Variants in SLC12A2 observed in about 807,000 individuals in gnomAD.
The protein encoded by SLC12A2 is Na-K-2Cl cotransporter 1.
A neutral mutation model predicts 136.3 loss-of-function variants in SLC12A2; 67 were observed. The observed-to-expected ratio is 0.49, with a 90% confidence interval of 0.40 to 0.60. SLC12A2 has a LOEUF of 0.60. Ranked by LOEUF, SLC12A2 falls within the 20% of genes least tolerant of loss-of-function variation. The pLI, the probability that SLC12A2 is intolerant of heterozygous loss-of-function variation, is 0.00. For synonymous variants in SLC12A2, 619 were observed against 562.9 expected, an observed-to-expected ratio of 1.10 and a Z score of -1.41; for missense variants, 1,322 against 1,534.7, an observed-to-expected ratio of 0.86 and a Z score of 2.32.
chr5:128,173,629 A>G (rs1181219948), intron 19 of SLC12A2, among the ~76,000 whole-genome samples: 1 of 152,156 alleles, frequency 6.6e-6, no homozygotes, highest in Non-Finnish European at 1.5e-5. Flanking sequence ...AAATTTGATG[A>G]CTTCCAAGCC....
chr5:128,116,970 A>G (rs901748467), intron 4 of SLC12A2, among the ~76,000 whole-genome samples: 1 of 152,172 alleles, frequency 6.6e-6, no homozygotes, highest in Non-Finnish European at 1.5e-5. Flanking sequence ...CTGAGATCAC[A>G]TTACACCTGT....
chr5:128,180,993 G>C lies in SLC12A2; in HGVS notation c.3211G>C (p.Ala1071Pro), dbSNP rs760408656. ...AAACAGAATAGACCATGACCGGAGA[G>C]CGTAAGTTTATTTCACATTGAAGGG... ...KINRIDHDRR[A>P]MATLLSKFRI... The change falls in exon 23 of 27, where the codon GCG (alanine) becomes CCG (proline). Residue 1071 changes from alanine (A) to proline (P), a missense_variant and splice_region_variant. Coordinates refer to ENST00000262461, the MANE Select transcript of SLC12A2 (RefSeq NM_001046.3). 1 of 1,558,878 alleles carries C rather than the reference G, an allele frequency of 6.4e-7. No homozygotes were observed. The highest frequency in any genetic ancestry group is 8.8e-7 in the Non-Finnish European group (1 of 1,130,664).
At chr5:128,159,585 G>A (rs1762969509) in intron 16 of SLC12A2, among the ~76,000 whole-genome samples, 2 of 152,156 alleles carry the variant, frequency 1.3e-5, no homozygotes, top group South Asian at 4.1e-4. Context: ...CAAAAAGTGG[G>A]CAAAGGATAT....
In SLC12A2 at chr5:128,135,747, C is replaced by T. The variant is rs377735249; in HGVS notation, c.1347C>T (p.Phe449=). 21 of 1,612,220 alleles carry T rather than the reference C, an allele frequency of 1.3e-5. No homozygotes were observed. The East Asian group carries it at 1.3e-4, about 10-fold the overall frequency. The change falls in exon 7 of 27, where the codon TTC becomes TTT. Residue 449 remains phenylalanine (F), a synonymous_variant. Transcript: ENST00000262461. ...LVILLLAIGD[F]VIGTFIPLES... ...TCCTACTTCTTGCTATTGGTGATTT[C>T]GTCATAGGAACATTTATCCCACTGG...
At chr5:128,126,746 G>C (rs1472237846) in intron 4 of SLC12A2, among the ~76,000 whole-genome samples, 2 of 151,530 alleles carry the variant, frequency 1.3e-5, no homozygotes, top group South Asian at 2.1e-4. Flanking sequence ...TCCTTTCCTT[G>C]TTCCTAGTCT....
intron 17 of SLC12A2, among the ~76,000 whole-genome samples, chr5:128,166,446 G>A (rs1044595487): frequency 6.6e-6 from 1 of 151,334 alleles, no homozygotes; most frequent in Non-Finnish European, 1.5e-5. Context: ...CCCAACAGAT[G>A]AATGGATAAA....
At chr5:128,144,705 G>A (rs114463276) in intron 10 of SLC12A2, among the ~76,000 whole-genome samples, 1 of 152,096 alleles carries the variant, frequency 6.6e-6, no homozygotes, top group East Asian at 1.9e-4. Flanking sequence ...ACACACACAT[G>A]CATACCCTAC....
At chr5:128,118,196 C>T (rs1443653511) in intron 4 of SLC12A2, among the ~76,000 whole-genome samples, 2 of 152,122 alleles carry the variant, frequency 1.3e-5, no homozygotes, top group African/African-American at 4.8e-5. Flanking sequence ...CCATTTGATA[C>T]AGCAGTCTTC....
chr5:128,186,027 C>T (rs922394451), intron 26 of SLC12A2, among the ~76,000 whole-genome samples: 1 of 151,856 alleles, frequency 6.6e-6, no homozygotes, highest in African/African-American at 2.4e-5. Context: ...TGAGTCCAGC[C>T]TGGGCAATGT....
At chr5:128,113,119 G>A (rs1239168617) in intron 2 of SLC12A2, among the ~76,000 whole-genome samples, 186 bp downstream of exon 2, 1 of 152,172 alleles carries the variant, frequency 6.6e-6, no homozygotes, top group Non-Finnish European at 1.5e-5. Flanking sequence ...CTTCAGCAAA[G>A]GAGATATGCC....
chr5:128,169,853 A>G (rs554462541), intron 18 of SLC12A2: 6 of 152,240 alleles, frequency 3.9e-5, no homozygotes, highest in African/African-American at 1.4e-4. Flanking sequence ...GGTCTTTCTG[A>G]CTCTGACTTT....
intron 25 of SLC12A2, 45 bp from the exon 26 acceptor site, chr5:128,184,741 ATTC>A: frequency 6.2e-7 from 1 of 1,609,826 alleles, no homozygotes; most frequent in South Asian, 1.1e-5. Flanking sequence ...ACCATGCTAA[ATTC>A]TTATTTCCAC....
chr5:128,120,081 T>G lies in SLC12A2; in HGVS notation c.1048+5400T>G, dbSNP rs867433098. Among the ~76,000 whole-genome samples the G allele has an allele frequency of 4.2e-3, 633 of 152,080 alleles. 3 individuals carry two copies. Among genetic ancestry groups the G allele is most frequent in the Non-Finnish European group, 5.8e-3 (392 of 67,978 alleles). On this transcript the variant is annotated intron_variant, in intron 4 of 26. Coordinates refer to ENST00000262461, the MANE Select transcript of SLC12A2 (RefSeq NM_001046.3). ...ACAGACACTTCTCAAAAGAAGACAT[T>G]TATGCAGCCAAAAGACACATGAAAA...
intron 24 of SLC12A2, among the ~76,000 whole-genome samples, chr5:128,183,375 T>G (rs1378073745): frequency 6.6e-6 from 1 of 152,096 alleles, no homozygotes; most frequent in Non-Finnish European, 1.5e-5. Context: ...GTTGTTATAA[T>G]GATATTTGTA....
intron 1 of SLC12A2, among the ~76,000 whole-genome samples, chr5:128,101,268 G>T (rs993630293): frequency 2.0e-5 from 3 of 152,078 alleles, no homozygotes; most frequent in African/African-American, 7.2e-5. Context: ...ACAATTGTTA[G>T]AATAAAACCG....
At position 128,131,209 on chromosome 5, in the gene SLC12A2, AATTC is replaced by A. The variant is rs1293201794; in HGVS notation, c.1188+5_1188+8del. 1 of 1,613,864 alleles carries A rather than the reference AATTC, an allele frequency of 6.2e-7. No individual in the cohort carries two copies. The highest frequency in any genetic ancestry group is 2.2e-5 in the East Asian group (1 of 44,886). ...AAACCGTGGTGGAGTTGCTTAAGGTAATTCACCTTCCTTCTAGTCATTCGTTTAC... is the reference window on the plus strand; with the variant it reads ...AAACCGTGGTGGAGTTGCTTAAGGTAACCTTCCTTCTAGTCATTCGTTTAC... On this transcript the variant is annotated splice_donor_5th_base_variant and intron_variant, in intron 5 of 26. Coordinates refer to ENST00000262461, the MANE Select transcript of SLC12A2 (RefSeq NM_001046.3).
At chr5:128,110,430 G>A (rs1291815949) in intron 1 of SLC12A2, 1 of 1,128,450 alleles carries the variant, frequency 8.9e-7, no homozygotes, top group African/African-American at 1.5e-5. Flanking sequence ...CAGCCGCAAA[G>A]GAGACTTGAG....
intron 4 of SLC12A2, among the ~76,000 whole-genome samples, chr5:128,127,210 C>T (rs1391080956): frequency 1.4e-5 from 2 of 146,210 alleles, no homozygotes; most frequent in Non-Finnish European, 3.0e-5. Context: ...CAAGCTCTGC[C>T]TCCCGGGTTC....
chr5:128,180,933 G>T lies in SLC12A2; in HGVS notation c.3151G>T (p.Asp1051Tyr). 1 of 1,612,904 alleles carries T rather than the reference G, an allele frequency of 6.2e-7. No individual in the cohort carries two copies. Among genetic ancestry groups the T allele is most frequent in the Non-Finnish European group, 8.5e-7 (1 of 1,179,064 alleles). ...TCTGACGACCAAGAAAAAATGGAAA[G>T]ACTGTAAGATCAGAGTATTCATTGG... ...YLLTTKKKWK[D>Y]CKIRVFIGGK... Residue 1051 changes from aspartate (D) to tyrosine (Y), a missense_variant, in exon 23 of 27, where the codon GAC becomes TAC. Physicochemically the swap from Asp to Tyr is radical, Grantham distance 160 (BLOSUM62 -3). Around this residue, in one of 8 missense-constraint regions of SLC12A2, gnomAD observed 172 missense variants for 227.4 expected, o/e 0.76. Transcript: ENST00000262461.
Sources: allele counts gnomAD v4.1 joint callset (sites outside exome capture counted in the v4.1 genomes callset), GRCh38; gene constraint gnomAD v4.1.1; regional missense constraint gnomAD v4.1.1; transcripts MANE v1.5; gene names NCBI Gene and HGNC (gene_info 2026-07-23, HGNC 2026-07-21).